UGT2A1: variants seen among roughly 807,000 people sequenced by gnomAD.
UGT2A1 encodes the protein UDP glucuronosyltransferase family 2 member A1 complex locus, also known as UDP-glucuronosyltransferase 2A1.
UGT2A1 carries 61 observed loss-of-function variants against 45.4 expected under a neutral mutation model. The ratio of observed to expected loss-of-function variants is 1.34; its 90% CI spans 1.09 to 1.66. The LOEUF is 1.66. Ranked by LOEUF, UGT2A1 falls within the 40% of genes most tolerant of loss-of-function variation. The pLI, the probability that UGT2A1 is intolerant of heterozygous loss-of-function variation, is 0.00. For missense variants in UGT2A1, 649 were observed against 574.3 expected (o/e 1.13, Z -1.33); for synonymous variants, 229 against 196.2 (o/e 1.17, Z -1.40).
rs754697539 is a variant in UGT2A1 at position 69,647,601 on chromosome 4, A to G, written c.44T>C (p.Ile15Thr). Residue 15 changes from isoleucine (I) to threonine (T), a missense_variant, in exon 2 of 7, where the codon ATA becomes ACA. Ile to Thr is a moderately conservative substitution (Grantham distance 89). Transcript: ENST00000286604. ...LLLFSLQISLIGTTLGGNVLI... is the reference protein window; with the variant it reads ...LLLFSLQISLTGTTLGGNVLI... ...AACATTCCCACCAAGAGTGGTTCCT[A>G]TGAGACTTATCTGAAGGGAGAACAG... The G allele has an allele frequency of 6.2e-7, 1 of 1,605,116 alleles. No homozygotes were observed. The highest frequency in any genetic ancestry group is 1.3e-5 in the African/African-American group (1 of 74,672).
intron 3 of UGT2A1, among the ~76,000 whole-genome samples, chr4:69,629,703 A>AC (rs940862769): frequency 6.6e-6 from 1 of 151,978 alleles, no homozygotes; most frequent in African/African-American, 2.4e-5. Context: ...CTGGAAGAGG[A>AC]CCCCTGCAAG....
Position 69,647,098 on chromosome 4 carries a change from A to G in UGT2A1, c.547T>C (p.Cys183Arg), listed in dbSNP as rs141164432. 7 of 1,612,772 alleles carry G rather than the reference A, an allele frequency of 4.3e-6. No homozygotes were observed. The highest frequency in any genetic ancestry group is 4.0e-5 in the African/African-American group (3 of 74,842). The change falls in exon 2 of 7, where the codon TGT becomes CGT. Residue 183 changes from cysteine to arginine, a missense_variant. By Grantham distance (180) the Cys-to-Arg change is radical (BLOSUM62 -3). Transcript: ENST00000286604. ...FSPASTVEKH[C>R]GKVPYPPSYV... ...GAAGGAGGGTATGGTACCTTCCCAC[A>G]GTGCTTTTCCACTGTTGAGGCTGGA...
chr4:69,589,175 A>G lies in UGT2A1; in HGVS notation c.*197T>C. 1 of 646,130 alleles carries G rather than the reference A, an allele frequency of 1.5e-6. No homozygotes were observed. The highest frequency in any genetic ancestry group is 1.8e-5 in the African/African-American group (1 of 54,680). 40.0% of individuals were successfully genotyped at this position (646,130 alleles called of 1,614,324 possible). On this transcript the variant is annotated 3_prime_UTR_variant, in exon 7 of 7. Transcript: ENST00000286604. ...AGAGACAAAGGAAAAATAGAAGACT[A>G]TAACTCACAAGTTAATAATAATCAT... is the stretch of plus-strand genomic sequence containing the variant.
chr4:69,608,026 T>A (rs538002120), intron 3 of UGT2A1, among the ~76,000 whole-genome samples: 46 of 152,246 alleles, frequency 3.0e-4, no homozygotes, highest in Middle Eastern at 3.4e-3. Context: ...TTCTCAGGGA[T>A]CTAGAATTAG....
chr4:69,639,177 A>T (rs775626659), intron 2 of UGT2A1: 1 of 1,613,700 alleles, frequency 6.2e-7, no homozygotes, highest in Non-Finnish European at 8.5e-7. Flanking sequence ...TGCTACCAAC[A>T]CATCAAAACC....
intron 3 of UGT2A1, among the ~76,000 whole-genome samples, chr4:69,626,001 GA>G (rs1721035231): frequency 6.6e-6 from 1 of 151,520 alleles, no homozygotes; most frequent in South Asian, 2.1e-4. Context: ...AGCTGTTTTA[GA>G]GTACTTGTCT....
At chr4:69,589,686 T>C (rs532842168) in intron 6 of UGT2A1, 35 bp from the exon 7 acceptor site, 3 of 1,564,324 alleles carry the variant, frequency 1.9e-6, no homozygotes, top group East Asian at 4.5e-5. Context: ...AATTAGACAA[T>C]TTTTGTTTTT....
chr4:69,624,899 G>A (rs948588369), intron 3 of UGT2A1, among the ~76,000 whole-genome samples: 8 of 150,364 alleles, frequency 5.3e-5, no homozygotes, highest in African/African-American at 1.7e-4. Context: ...CTCTCCATTC[G>A]TCTAGATCGA....
intron 3 of UGT2A1, among the ~76,000 whole-genome samples, chr4:69,623,803 A>G (rs965947547): frequency 6.6e-6 from 1 of 151,594 alleles, no homozygotes; most frequent in East Asian, 1.9e-4. Flanking sequence ...AATTGAGCTT[A>G]ATGCTTTTTA....
chr4:69,608,338 C>A (rs1055058012), intron 3 of UGT2A1, among the ~76,000 whole-genome samples: 3 of 146,674 alleles, frequency 2.0e-5, no homozygotes, highest in African/African-American at 5.0e-5. Context: ...ACAAACACTG[C>A]ATGTTCTCAC....
rs759623762 is a variant in UGT2A1 at position 69,639,426 on chromosome 4, G to C, written c.716-3604C>G. ...AAAATTCACAGGAGAATCGGGATTG[G>C]AGTTGATGAATAGAGTTGCTGATGA... On this transcript the variant is annotated intron_variant, in intron 2 of 6. Coordinates refer to ENST00000286604, the MANE Select transcript of UGT2A1 (RefSeq NM_001252275.3). 4 of 1,613,304 alleles carry C rather than the reference G, an allele frequency of 2.5e-6. No individual in the cohort carries two copies. The South Asian group carries it at 4.4e-5, about 18-fold the overall frequency.
chr4:69,639,422 A>T, intron 2 of UGT2A1: 1 of 1,613,306 alleles, frequency 6.2e-7, no homozygotes, highest in Non-Finnish European at 8.5e-7. Flanking sequence ...GAGAATCGGG[A>T]TTGGAGTTGA....
Position 69,647,280 on chromosome 4 carries a change from G to C in UGT2A1, c.365C>G (p.Ser122Cys). The C allele has an allele frequency of 6.2e-7, 1 of 1,613,358 alleles. No homozygotes were observed. The change falls in exon 2 of 7, where the codon TCT (serine) becomes TGT (cysteine). Residue 122 changes from serine to cysteine, a missense_variant. By Grantham distance (112) the Ser-to-Cys change is moderately radical. Coordinates refer to ENST00000286604, the MANE Select transcript of UGT2A1 (RefSeq NM_001252275.3). Reference sequence around the variant, plus strand: ...AAGAACGCCATCACAGATCTCCTGAGACACCATGTGGAAGTCCTTGATTAC... The same window carrying C: ...AAGAACGCCATCACAGATCTCCTGACACACCATGTGGAAGTCCTTGATTAC... The part of the protein sequence containing the change: ...AKVIKDFHMV[S>C]QEICDGVLKN...
chr4:69,630,966 T>C (rs961611910), intron 3 of UGT2A1, among the ~76,000 whole-genome samples: 1 of 152,176 alleles, frequency 6.6e-6, no homozygotes, highest in African/African-American at 2.4e-5. Flanking sequence ...ACTACTTAAA[T>C]GTTATTAATA....
intron 2 of UGT2A1, among the ~76,000 whole-genome samples, chr4:69,637,956 AAAAAAAGGAAGG>A (rs1721810035): frequency 6.6e-6 from 1 of 151,248 alleles, no homozygotes; most frequent in Admixed American, 6.6e-5. Flanking sequence ...AGAAGGAAGG[AAAAAAAGGAAGG>A]AAAAAAGGAA....
intron 2 of UGT2A1, chr4:69,639,372 C>T (rs1488020488): frequency 6.2e-7 from 1 of 1,613,504 alleles, no homozygotes; most frequent in Admixed American, 1.7e-5. Context: ...ATCTATATTG[C>T]TCTTCTTGTA....
chr4:69,639,371 G>A lies in UGT2A1; in HGVS notation c.716-3549C>T, dbSNP rs193223396. ...TATGCTCAATTAAGGAATCTATATT[G>A]CTCTTCTTGTAGGAAACAGGTATCA... On this transcript the variant is annotated intron_variant, in intron 2 of 6. Transcript: ENST00000286604. The A allele has an allele frequency of 3.1e-4, 494 of 1,613,598 alleles. 1 individual carries two copies. The African/African-American group carries it at 5.9e-3, about 19-fold the overall frequency.
intron 3 of UGT2A1, among the ~76,000 whole-genome samples, chr4:69,615,127 G>A (rs953530033): frequency 6.6e-6 from 1 of 151,984 alleles, no homozygotes; most frequent in Non-Finnish European, 1.5e-5. Flanking sequence ...AATTCAACAT[G>A]AGATTTGGAT....
At chr4:69,652,965 A>G (rs1578015433) in intron 1 of UGT2A1, among the ~76,000 whole-genome samples, 1 of 152,326 alleles carries the variant, frequency 6.6e-6, no homozygotes, top group Non-Finnish European at 1.5e-5. Flanking sequence ...CTCTGTCCAC[A>G]CAGTTCCCTC....
Sources: gnomAD v4.1 joint callset for allele counts (sites outside exome capture counted in the v4.1 genomes callset) on GRCh38, gnomAD v4.1.1 for gene constraint, MANE v1.5 for transcripts, NCBI Gene and HGNC (gene_info 2026-07-23, HGNC 2026-07-21) for gene names.